The following TSPAN15 variants were observed in gnomAD, a reference collection of about 807,000 sequenced individuals.
TSPAN15 encodes tetraspanin-15.
TSPAN15 carries 20 observed loss-of-function variants against 34.5 expected under a neutral mutation model. The observed-to-expected ratio is 0.58, with a 90% CI of 0.41 to 0.84. The LOEUF (loss-of-function observed/expected upper bound fraction) is 0.84, where lower values mean the gene tolerates loss of function less well. Ranked by LOEUF, TSPAN15 falls within the 40% of genes least tolerant of loss-of-function variation. TSPAN15 has a pLI of 0.00. For synonymous variants in TSPAN15, 155 were observed against 153.9 expected (o/e 1.01, Z -0.05); for missense variants, 313 against 386.1 (o/e 0.81, Z 1.59).
intron 1 of TSPAN15, among the ~76,000 whole-genome samples, chr10:69,473,501 CAG>C (rs146011341): frequency 0.057 from 8,602 of 152,040 alleles, 361 homozygotes; most frequent in African/African-American, 0.11. Flanking sequence ...GGGGCGGAGT[CAG>C]AGCAGTGTGT....
chr10:69,527,723 T>A, the TSPAN15 span, among the ~76,000 whole-genome samples: 4 of 147,512 alleles, frequency 2.7e-5, no homozygotes, highest in African/African-American at 9.9e-5. Context: ...CTAAATGAAA[T>A]AAGCCAATTG....
At chr10:69,499,455 C>T (rs1589652214) in intron 5 of TSPAN15, among the ~76,000 whole-genome samples, 1 of 152,262 alleles carries the variant, frequency 6.6e-6, no homozygotes, top group East Asian at 1.9e-4. Context: ...GAGAGGCCTG[C>T]GTGGGGTGAT....
intron 1 of TSPAN15, among the ~76,000 whole-genome samples, chr10:69,452,305 A>G (rs1470739420): frequency 6.6e-6 from 1 of 152,198 alleles, no homozygotes; most frequent in Non-Finnish European, 1.5e-5. Context: ...AGGGGGCAGG[A>G]TGGTAGTGTT....
At chr10:69,492,065 G>A (rs1254786654) in intron 3 of TSPAN15, among the ~76,000 whole-genome samples, 2 of 152,240 alleles carry the variant, frequency 1.3e-5, no homozygotes, top group East Asian at 3.8e-4. Context: ...AAACCTTGTG[G>A]CTTTTGATGT....
the TSPAN15 span, among the ~76,000 whole-genome samples, chr10:69,516,536 A>G: frequency 6.6e-6 from 1 of 152,182 alleles, no homozygotes; most frequent in African/African-American, 2.4e-5. Flanking sequence ...CAGAATGAGA[A>G]GTGGGAGTAC....
chr10:69,541,742 T>C, the TSPAN15 span, among the ~76,000 whole-genome samples: 1 of 152,254 alleles, frequency 6.6e-6, no homozygotes, highest in Non-Finnish European at 1.5e-5. Flanking sequence ...TCAACACCTG[T>C]AAGCTGCCAA....
intron 1 of TSPAN15, among the ~76,000 whole-genome samples, chr10:69,452,565 C>T (rs1013275629): frequency 1.3e-5 from 2 of 151,974 alleles, no homozygotes; most frequent in East Asian, 3.9e-4. Context: ...TGAAATAGGC[C>T]GGGTATGGTG....
At chr10:69,531,815 C>T in the TSPAN15 span, among the ~76,000 whole-genome samples, 3 of 151,844 alleles carry the variant, frequency 2.0e-5, no homozygotes, top group Non-Finnish European at 4.4e-5. Context: ...CATCACTTTA[C>T]AATTAAAACT....
the TSPAN15 span, among the ~76,000 whole-genome samples, chr10:69,518,341 A>AT: frequency 6.6e-6 from 1 of 152,234 alleles, no homozygotes; most frequent in South Asian, 2.1e-4. Flanking sequence ...AGTGCCTGCC[A>AT]TGCCCTCCCT....
At chr10:69,459,920 A>AC (rs34284537) in intron 1 of TSPAN15, among the ~76,000 whole-genome samples, 40,300 of 107,830 alleles carry the variant, frequency 0.37, 7,156 homozygotes, top group East Asian at 0.51. Flanking sequence ...GACTCTAGGC[A>AC]CCCCCCCCCC....
the TSPAN15 span, among the ~76,000 whole-genome samples, chr10:69,526,043 A>T: frequency 6.8e-6 from 1 of 147,126 alleles, no homozygotes; most frequent in African/African-American, 2.5e-5. Context: ...TCTTCTATAA[A>T]AGATAAAGAG....
the TSPAN15 span, among the ~76,000 whole-genome samples, chr10:69,528,179 C>T: frequency 3.6e-4 from 53 of 148,402 alleles, 3 homozygotes; most frequent in Admixed American, 1.0e-3. Context: ...GCTGCTGCCG[C>T]GGGGCAGGCA....
At chr10:69,460,119 A>T (rs1460163064) in intron 1 of TSPAN15, among the ~76,000 whole-genome samples, 2 of 151,904 alleles carry the variant, frequency 1.3e-5, no homozygotes, top group African/African-American at 4.8e-5. Context: ...CCCTGGGGGT[A>T]CTCAGCCTGC....
chr10:69,525,500 A>AAG, the TSPAN15 span, among the ~76,000 whole-genome samples: 7 of 145,624 alleles, frequency 4.8e-5, no homozygotes, highest in South Asian at 1.5e-3. Context: ...AAAAAAAAAA[A>AAG]AAGAAGACTT....
At chr10:69,501,312 G>C (rs1386502493) in intron 5 of TSPAN15, among the ~76,000 whole-genome samples, 2 of 152,196 alleles carry the variant, frequency 1.3e-5, no homozygotes, top group African/African-American at 4.8e-5. Flanking sequence ...GACAGCATCT[G>C]AATGAGAGCA....
chr10:69,506,226 A>G lies in TSPAN15; in HGVS notation c.721A>G (p.Ile241Val). 1 of 1,614,188 alleles carries G rather than the reference A, an allele frequency of 6.2e-7. No homozygotes were observed. Among genetic ancestry groups the G allele is most frequent in the East Asian group, 2.2e-5 (1 of 44,888 alleles). The change falls in exon 7 of 8, where the codon ATC (isoleucine) becomes GTC (valine). Residue 241 changes from isoleucine to valine, a missense_variant. Physicochemically the swap from Ile to Val is conservative, Grantham distance 29. Transcript: ENST00000373290. This position sits in a 1 kb window ranked among gnomAD's most constrained non-coding sequence, Gnocchi z 4.7. ...YTIMAGILLG[I>V]LLPQFLGVLL... ...CATCATGGCGGGCATCCTCCTGGGC[A>G]TCCTGCTTCCCCAGGTGGGCAGGCC...
chr10:69,500,080 T>G (rs1206857138), intron 5 of TSPAN15, among the ~76,000 whole-genome samples: 2 of 151,994 alleles, frequency 1.3e-5, no homozygotes, highest in East Asian at 3.9e-4. Context: ...ACATGCTAGA[T>G]GCAGGGATAG....
the TSPAN15 span, among the ~76,000 whole-genome samples, chr10:69,527,693 G>A: frequency 2.0e-5 from 3 of 147,782 alleles, no homozygotes; most frequent in African/African-American, 7.4e-5. Context: ...GGTCAGACAA[G>A]CTTGCTTTAG....
rs986174781 is a variant in TSPAN15, at chr10:69,451,537, T to A, written c.-58T>A. The A allele has an allele frequency of 2.6e-5, 35 of 1,323,074 alleles. No individual in the cohort carries two copies. Among genetic ancestry groups the A allele is most frequent in the Admixed American group, 3.8e-5 (1 of 26,436 alleles). 82.0% of individuals were successfully genotyped at this position (1,323,074 alleles called of 1,614,324 possible). A position where few individuals can be genotyped will look rare whatever the true frequency, so the allele number is the denominator to read the frequency against. On this transcript the variant is annotated 5_prime_UTR_variant, in exon 1 of 8. Coordinates refer to ENST00000373290, the MANE Select transcript of TSPAN15 (RefSeq NM_012339.5). ...CGCAGGTGGGGCCACGAGCGCTGGC[T>A]GAGGGACCGAGCCGGAGAGCCCCGG...
Sources: gnomAD v4.1 joint callset for allele counts (sites outside exome capture counted in the v4.1 genomes callset) on GRCh38, gnomAD v4.1.1 for gene constraint, Gnocchi (gnomAD v3.1) non-coding constraint, MANE v1.5 for transcripts, NCBI Gene and HGNC (gene_info 2026-07-23, HGNC 2026-07-21) for gene names.